The following RCHY1 variants were observed in gnomAD, a reference collection of about 807,000 sequenced individuals.
RCHY1 encodes the protein ring finger and CHY zinc finger domain containing 1, also known as RING finger and CHY zinc finger domain-containing protein 1.
In RCHY1, 21 loss-of-function variants were observed where a neutral mutation model predicts 41.6. The ratio of observed to expected loss-of-function variants is 0.51; its 90% CI spans 0.36 to 0.73. RCHY1 has a LOEUF of 0.73. RCHY1 is among the 30% of genes least tolerant of loss of function. RCHY1 has a pLI of 0.00. For synonymous variants in RCHY1, 79 were observed against 102.9 expected (o/e 0.77, Z 1.41); for missense variants, 265 against 325.3 (o/e 0.81, Z 1.43).
chr4:75,501,970 C>T (rs898132004), intron 3 of RCHY1, among the ~76,000 whole-genome samples: 9 of 151,800 alleles, frequency 5.9e-5, no homozygotes, highest in South Asian at 2.1e-4. Flanking sequence ...GCCAGCTACT[C>T]GGGAGGCTGA....
chr4:75,485,539 A>G (rs1185537384), intron 8 of RCHY1, among the ~76,000 whole-genome samples: 3 of 152,256 alleles, frequency 2.0e-5, no homozygotes, highest in Admixed American at 6.5e-5. Context: ...CTTAACTTTT[A>G]CTCACACCAT....
At chr4:75,512,228 T>C (rs757160685) in intron 1 of RCHY1, among the ~76,000 whole-genome samples, 4 of 152,194 alleles carry the variant, frequency 2.6e-5, no homozygotes, top group Admixed American at 2.0e-4. Context: ...AGACCTAAGA[T>C]TTAGATGATC....
At chr4:75,487,669 T>TA (rs1393284663) in intron 8 of RCHY1, among the ~76,000 whole-genome samples, 6 of 77,356 alleles carry the variant, frequency 7.8e-5, no homozygotes, top group African/African-American at 2.6e-4. Context: ...TATATATTCA[T>TA]ATATATTCAT....
chr4:75,493,960 G>C, intron 4 of RCHY1, 141 bp downstream of exon 4: 2 of 573,568 alleles, frequency 3.5e-6, no homozygotes, highest in Non-Finnish European at 6.1e-6. Context: ...ATATCTACTT[G>C]TTAATACTGC....
In RCHY1 at chr4:75,482,162, C is replaced by A. The variant is rs978136616; in HGVS notation, c.*376G>T. 6.5e-6 allele frequency: 1 copy of A among 153,980 alleles called. No individual in the cohort carries two copies. The highest frequency in any genetic ancestry group is 2.4e-5 in the African/African-American group (1 of 41,500). The allele number at this position is 153,980 out of a possible 1,614,324, so 9.5% of individuals were successfully genotyped here. Reference sequence around the variant, plus strand: ...AGCCCTTAAAAAGTCAAGACTACTACTGAAAATTAAGTGCAGTTCTATCAA... The same window carrying A: ...AGCCCTTAAAAAGTCAAGACTACTAATGAAAATTAAGTGCAGTTCTATCAA... On this transcript the variant is annotated 3_prime_UTR_variant, in exon 9 of 9. Coordinates refer to ENST00000324439, the MANE Select transcript of RCHY1 (RefSeq NM_015436.4).
chr4:75,501,043 CTT>C (rs1477724115), intron 3 of RCHY1, among the ~76,000 whole-genome samples: 3 of 152,060 alleles, frequency 2.0e-5, no homozygotes, highest in Non-Finnish European at 4.4e-5. Context: ...GAGTTTTGCT[CTT>C]GTTGCCCAGG....
In RCHY1 at chr4:75,505,074, T is replaced by G. The variant is rs796574547; in HGVS notation, c.326+3746A>C. ...AAGACAATTTTTCCATGGACCGAGG[T>G]TGGGGGATGGTTTCGGGATGAAACT... On this transcript the variant is annotated intron_variant, in intron 3 of 8. Transcript: ENST00000324439. Among the ~76,000 whole-genome samples the G allele has an allele frequency of 2.2e-4, 34 of 152,178 alleles. 1 individual carries two copies. The highest frequency in any genetic ancestry group is 7.7e-4 in the African/African-American group (32 of 41,510).
chr4:75,506,978 A>G (rs753048584), intron 3 of RCHY1, among the ~76,000 whole-genome samples: 8 of 152,142 alleles, frequency 5.3e-5, no homozygotes, highest in Non-Finnish European at 1.0e-4. Flanking sequence ...GAATATCTTT[A>G]AAGTGTTGGG....
At position 75,480,882 on chromosome 4, in the gene RCHY1, T is replaced by C; in HGVS notation, c.*1656A>G. On this transcript the variant is annotated 3_prime_UTR_variant, in exon 9 of 9. Transcript: ENST00000324439. ...GGCACACACCTGTAGTCCCAGCTAC[T>C]CAGGAGGCTGAGGTGGAAGGATCAG... is the stretch of plus-strand genomic sequence containing the variant. The C allele has an allele frequency of 6.6e-6, 1 of 152,440 alleles. No individual in the cohort carries two copies. Among genetic ancestry groups the C allele is most frequent in the Non-Finnish European group, 1.5e-5 (1 of 68,202 alleles). 9.4% of individuals were successfully genotyped at this position (152,440 alleles called of 1,614,324 possible).
At position 75,482,070 on chromosome 4, in the gene RCHY1, C is replaced by T. The variant is rs1721566922; in HGVS notation, c.*468G>A. On this transcript the variant is annotated 3_prime_UTR_variant, in exon 9 of 9. Transcript: ENST00000324439. ...ATTCACATTTAGAGGATCCAGAGGA[C>T]TGTCTTAGAAAATTCTAAAGCATAT... The T allele has an allele frequency of 6.6e-6, 1 of 152,118 alleles. No homozygotes were observed. The highest frequency in any genetic ancestry group is 1.5e-5 in the Non-Finnish European group (1 of 68,020). 9.4% of individuals were successfully genotyped at this position (152,118 alleles called of 1,614,324 possible).
rs990279864 is a variant in RCHY1 at position 75,480,028 on chromosome 4, T to G, written c.*2510A>C. 2.0e-5 allele frequency: 3 copies of G among 152,234 alleles called. No individual in the cohort carries two copies. Among genetic ancestry groups the G allele is most frequent in the African/African-American group, 7.2e-5 (3 of 41,466 alleles). 9.4% of individuals were successfully genotyped at this position (152,234 alleles called of 1,614,324 possible). On this transcript the variant is annotated 3_prime_UTR_variant, in exon 9 of 9. Coordinates refer to ENST00000324439, the MANE Select transcript of RCHY1 (RefSeq NM_015436.4). ...GGGTAAAGTTATGTATTTTAAGTTT[T>G]GCATACTGAATGGTAAGGGATGTAG...
At position 75,482,309 on chromosome 4, in the gene RCHY1, A is replaced by C; in HGVS notation, c.*229T>G. The stretch of plus-strand genomic sequence containing the variant: ...GCTTCCAAAAAACTGACACTAAAGG[A>C]ATTTCCAATCAAAACACAAGCACAG... On this transcript the variant is annotated 3_prime_UTR_variant, in exon 9 of 9. Coordinates refer to ENST00000324439, the MANE Select transcript of RCHY1 (RefSeq NM_015436.4). 3.3e-6 allele frequency: 1 copy of C among 305,262 alleles called. No individual in the cohort carries two copies. Among genetic ancestry groups the C allele is most frequent in the Non-Finnish European group, 5.9e-6 (1 of 168,850 alleles). The allele number at this position is 305,262 out of a possible 1,614,324, so 18.9% of individuals were successfully genotyped here. A position where few individuals can be genotyped will look rare whatever the true frequency, so the allele number is the denominator to read the frequency against.
At chr4:75,499,235 C>G (rs1301633308) in intron 3 of RCHY1, among the ~76,000 whole-genome samples, 1 of 152,016 alleles carries the variant, frequency 6.6e-6, no homozygotes, top group Non-Finnish European at 1.5e-5. Context: ...ATCATCACAC[C>G]CCAGTTAGAA....
At chr4:75,514,461 G>A (rs1725353028), upstream of RCHY1, 1 of 637,392 alleles carries the variant, frequency 1.6e-6, no homozygotes, top group Non-Finnish European at 2.6e-6. Context: ...GCTACGAGGC[G>A]GAAGCGAAGG....
intron 8 of RCHY1, among the ~76,000 whole-genome samples, chr4:75,487,786 T>TATATATTCATATATATTCATA (rs1722333112): frequency 9.9e-5 from 4 of 40,248 alleles, no homozygotes; most frequent in African/African-American, 6.0e-4. Context: ...ATATTCATAA[T>TATATATTCATATATATTCATA]ATATATATTC....
Position 75,480,405 on chromosome 4 carries a change from A to T in RCHY1, c.*2133T>A, listed in dbSNP as rs138287936. On this transcript the variant is annotated 3_prime_UTR_variant, in exon 9 of 9. Transcript: ENST00000324439. ...TTTTAGCAAAATAGAAGTTTAGATC[A>T]AAAGCAATGTGGTAAAAGTGGGTTT... is the stretch of plus-strand genomic sequence containing the variant. The T allele has an allele frequency of 2.6e-5, 4 of 152,316 alleles. No individual in the cohort carries two copies. The East Asian group carries it at 7.7e-4, about 29-fold the overall frequency. The allele number at this position is 152,316 out of a possible 1,614,324, so 9.4% of individuals were successfully genotyped here. A position where few individuals can be genotyped will look rare whatever the true frequency, so the allele number is the denominator to read the frequency against.
In RCHY1 at chr4:75,491,705, G is replaced by A; in HGVS notation, c.509+19C>T. 1 of 1,607,214 alleles carries A rather than the reference G, an allele frequency of 6.2e-7. No individual in the cohort carries two copies. The highest frequency in any genetic ancestry group is 8.5e-7 in the Non-Finnish European group (1 of 1,174,956). On this transcript the variant is annotated intron_variant, in intron 6 of 8. Transcript: ENST00000324439. ...CTCCACTATTTTCAAACATCATTGA[G>A]AAAAAGATGTTACTTTACCTATGTA... is the stretch of plus-strand genomic sequence containing the variant.
At chr4:75,501,660 G>A (rs1484398775) in intron 3 of RCHY1, among the ~76,000 whole-genome samples, 18 of 152,102 alleles carry the variant, frequency 1.2e-4, no homozygotes, top group Non-Finnish European at 7.4e-5. Flanking sequence ...TGAAAATTCT[G>A]TTATTCTATA....
At position 75,482,565 on chromosome 4, in the gene RCHY1, T is replaced by C. The variant is rs749810505; in HGVS notation, c.759A>G (p.Gly253=). 1.2e-6 allele frequency: 2 copies of C among 1,610,580 alleles called. No homozygotes were observed. The highest frequency in any genetic ancestry group is 1.1e-5 in the South Asian group (1 of 90,654). ...ATTGCTGATCCAGTGAAATTCTACGTCCTCCAGCTTGAGCAGTATTATAGG... is the reference window on the plus strand; with the variant it reads ...ATTGCTGATCCAGTGAAATTCTACGCCCTCCAGCTTGAGCAGTATTATAGG... The part of the protein sequence containing the change: ...CESYNTAQAG[G]RRISLDQQ Residue 253 remains glycine (G), a synonymous_variant, in exon 9 of 9, where the codon GGA becomes GGG. Coordinates refer to ENST00000324439, the MANE Select transcript of RCHY1 (RefSeq NM_015436.4).
Sources: allele counts gnomAD v4.1 joint callset (sites outside exome capture counted in the v4.1 genomes callset), GRCh38; gene constraint gnomAD v4.1.1; transcripts MANE v1.5; gene names NCBI Gene and HGNC (gene_info 2026-07-23, HGNC 2026-07-21).